MED15: variants seen among roughly 807,000 people sequenced by gnomAD.
MED15 encodes the protein mediator of RNA polymerase II transcription subunit 15.
In MED15, 41 loss-of-function variants were observed where a neutral mutation model predicts 118.7. The observed-to-expected ratio is 0.35, with a 90% confidence interval of 0.27 to 0.45. The LOEUF (loss-of-function observed/expected upper bound fraction) is 0.45, where lower values mean the gene tolerates loss of function less well. Among genes scored for constraint, MED15 ranks in the 20% least tolerant of loss-of-function variants. The pLI, the probability that MED15 is intolerant of heterozygous loss-of-function variation, is 1.00. For missense variants in MED15, 740 were observed against 1,025.5 expected, an observed-to-expected ratio of 0.72 and a Z score of 3.80; for synonymous variants, 436 against 413.9, an observed-to-expected ratio of 1.05 and a Z score of -0.65.
At chr22:20,511,684 G>A (rs2054068562) in intron 1 of MED15, among the ~76,000 whole-genome samples, 1 of 151,342 alleles carries the variant, frequency 6.6e-6, no homozygotes, top group Admixed American at 6.6e-5. Context: ...GCCATTGCAG[G>A]GACTCTCCAG....
intron 9 of MED15, among the ~76,000 whole-genome samples, chr22:20,579,430 A>G (rs1569246157): frequency 6.6e-6 from 1 of 151,884 alleles, no homozygotes; most frequent in Non-Finnish European, 1.5e-5. Context: ...GCTGGCTGCC[A>G]GCTGCCAGGG....
chr22:20,573,770 C>T (rs2056739172), intron 8 of MED15: 1 of 152,276 alleles, frequency 6.6e-6, no homozygotes, highest in South Asian at 2.1e-4. Context: ...CTCATACCAT[C>T]TGACTTACTT....
intron 1 of MED15, chr22:20,508,217 G>A (rs2053938724): frequency 5.6e-6 from 7 of 1,240,072 alleles, no homozygotes; most frequent in Non-Finnish European, 7.3e-6. Flanking sequence ...GGGTGTGGGC[G>A]GTGGGACGGA....
Position 20,544,621 on chromosome 22 carries a change from G to A in MED15, c.157-6815G>A, listed in dbSNP as rs940357268. Among the ~76,000 whole-genome samples the A allele has an allele frequency of 2.2e-3, 329 of 152,270 alleles. 4 individuals carry two copies. Among genetic ancestry groups the A allele is most frequent in the South Asian group, 6.2e-4 (3 of 4,828 alleles). ...GTGGAGCTTGCAGTGAGCCGAGATC[G>A]CGGCACTGCACACCAGCCTGGGTGA... is the stretch of plus-strand genomic sequence containing the variant. On this transcript the variant is annotated intron_variant, in intron 2 of 17. Transcript: ENST00000263205.
At chr22:20,518,870 T>A in intron 1 of MED15, 1 of 453,622 alleles carries the variant, frequency 2.2e-6, no homozygotes, top group South Asian at 1.6e-5. Flanking sequence ...TGTTTGTTTA[T>A]TTGGCAGGGT....
intron 9 of MED15, among the ~76,000 whole-genome samples, chr22:20,577,153 T>C (rs1209584893): frequency 6.6e-6 from 1 of 152,158 alleles, no homozygotes; most frequent in African/African-American, 2.4e-5. Flanking sequence ...GATCGAGGGC[T>C]CAAGTGAAAC....
At chr22:20,562,504 C>T (rs1169361926) in intron 5 of MED15, among the ~76,000 whole-genome samples, 4 of 152,066 alleles carry the variant, frequency 2.6e-5, no homozygotes, top group African/African-American at 9.7e-5. Flanking sequence ...CCTGCCTCAG[C>T]CTCCTGAGTA....
chr22:20,560,644 G>T (rs1041244589), intron 5 of MED15, among the ~76,000 whole-genome samples: 3 of 152,184 alleles, frequency 2.0e-5, no homozygotes, highest in African/African-American at 7.2e-5. Context: ...GATCTGCTCT[G>T]CCTTGGCTAT....
At chr22:20,557,245 A>C (rs1030112649) in intron 5 of MED15, among the ~76,000 whole-genome samples, 1 of 151,874 alleles carries the variant, frequency 6.6e-6, no homozygotes, top group African/African-American at 2.4e-5. Flanking sequence ...CCCCATCCTC[A>C]CACTCCTACC....
intron 9 of MED15, chr22:20,581,964 G>C (rs946021582): frequency 6.5e-6 from 1 of 153,020 alleles, no homozygotes; most frequent in Non-Finnish European, 1.5e-5. Flanking sequence ...CTGACACTGA[G>C]TAGCTCGCCT....
At position 20,568,393 on chromosome 22, in the gene MED15, A is replaced by C. The variant is rs115058614; in HGVS notation, c.1042-128A>C. The C allele has an allele frequency of 4.2e-5, 58 of 1,377,878 alleles. No homozygotes were observed. The African/African-American group carries it at 6.9e-4, about 16-fold the overall frequency. 85.4% of individuals were successfully genotyped at this position (1,377,878 alleles called of 1,614,324 possible). ...ATGGCCAGTAAGGTGACATCACAGC[A>C]CATGAGGTCATGAAAGTCCCATTCC... On this transcript the variant is annotated intron_variant, in intron 7 of 17. Coordinates refer to ENST00000263205, the MANE Select transcript of MED15 (RefSeq NM_001003891.3).
In MED15 at chr22:20,575,175, C is replaced by T. The variant is rs369846599; in HGVS notation, c.1215C>T (p.Thr405=). 3.3e-5 allele frequency: 53 copies of T among 1,614,066 alleles called. No homozygotes were observed. The African/African-American group carries it at 3.6e-4, about 11-fold the overall frequency. The part of the protein sequence containing the change: ...MHIRARFPPT[T]AVSAIPSSSI... ...TAAGAGCCCGGTTCCCGCCTACCAC[C>T]GCTGTGTCCGCCATCCCGTCAAGCT... The change falls in exon 9 of 18, where the codon ACC becomes ACT. Residue 405 remains threonine, a synonymous_variant. Coordinates refer to ENST00000263205, the MANE Select transcript of MED15 (RefSeq NM_001003891.3).
chr22:20,563,870 T>C (rs1815983771), intron 5 of MED15, among the ~76,000 whole-genome samples: 1 of 152,198 alleles, frequency 6.6e-6, no homozygotes, highest in Non-Finnish European at 1.5e-5. Flanking sequence ...TTTAGAACAT[T>C]TTTATGTTCA....
intron 8 of MED15, among the ~76,000 whole-genome samples, chr22:20,570,101 T>C (rs2056590229): frequency 6.6e-6 from 1 of 152,206 alleles, no homozygotes; most frequent in African/African-American, 2.4e-5. Context: ...CTTGGCTCAC[T>C]GCAACCTCTG....
intron 16 of MED15, 147 bp downstream of exon 16, chr22:20,585,414 A>G (rs1044695181): frequency 5.5e-6 from 6 of 1,097,442 alleles, no homozygotes; most frequent in African/African-American, 1.6e-5. Context: ...CCTCACACAC[A>G]CCGGGCTCCA....
In MED15 at chr22:20,551,433, T is replaced by C; in HGVS notation, c.157-3T>C. On this transcript the variant is annotated splice_polypyrimidine_tract_variant and splice_region_variant and intron_variant, in intron 2 of 17. Transcript: ENST00000263205. ...TTAAACTGCTTCCTGTTTTTACTTT[T>C]AGGACGAATACCTTTCTCTCGTGGC... The C allele has an allele frequency of 6.2e-7, 1 of 1,613,958 alleles. No homozygotes were observed. Among genetic ancestry groups the C allele is most frequent in the Non-Finnish European group, 8.5e-7 (1 of 1,179,772 alleles).
chr22:20,522,534 T>TGTGTGAATGCTCGTATTCC (rs1280635723), intron 1 of MED15, among the ~76,000 whole-genome samples: 1 of 152,190 alleles, frequency 6.6e-6, no homozygotes, highest in East Asian at 1.9e-4. Flanking sequence ...GGTGATTCCA[T>TGTGTGAATGCTCGTATTCC]GTGTGAATGC....
intron 5 of MED15, among the ~76,000 whole-genome samples, chr22:20,560,418 C>G (rs926645222): frequency 6.6e-6 from 1 of 152,168 alleles, no homozygotes; most frequent in Admixed American, 6.5e-5. Flanking sequence ...GCGCGCGCCA[C>G]TACGCCCAGC....
At chr22:20,585,075 G>A in intron 15 of MED15, 26 bp from the exon 16 acceptor site, 1 of 1,613,476 alleles carries the variant, frequency 6.2e-7, no homozygotes, top group Non-Finnish European at 8.5e-7. Context: ...CGTGTGCCAG[G>A]TGTGGTCACC....
Sources: allele counts gnomAD v4.1 joint callset (sites outside exome capture counted in the v4.1 genomes callset), GRCh38; gene constraint gnomAD v4.1.1; transcripts MANE v1.5; gene names NCBI Gene and HGNC (gene_info 2026-07-23, HGNC 2026-07-21).